The following PTPRD variants were observed in gnomAD, a reference collection of about 807,000 sequenced individuals.
PTPRD encodes the protein protein tyrosine phosphatase receptor type D.
PTPRD carries 34 observed loss-of-function variants against 214.5 expected under a neutral mutation model. The observed-to-expected ratio is 0.16, with a 90% CI of 0.12 to 0.21. The LOEUF (loss-of-function observed/expected upper bound fraction) is 0.21. Ranked by LOEUF, PTPRD falls within the 10% of genes least tolerant of loss-of-function variation. The probability of loss-of-function intolerance (pLI) is 1.00; values close to 1 mark genes in which losing one functional copy is unlikely to be tolerated. For missense variants in PTPRD, 2,545 were observed against 2,398.7 expected, an observed-to-expected ratio of 1.06 and a Z score of -1.27; for synonymous variants, 1,128 against 845.7, an observed-to-expected ratio of 1.33 and a Z score of -5.79.
chr9:10,267,596 A>T (rs2094153594), intron 3 of PTPRD, among the ~76,000 whole-genome samples: 1 of 152,164 alleles, frequency 6.6e-6, no homozygotes, highest in South Asian at 2.1e-4. Flanking sequence ...GAATAACTAG[A>T]GTTTATTTTT....
At chr9:8,830,660 A>C (rs2097269730) in intron 11 of PTPRD, among the ~76,000 whole-genome samples, 1 of 152,188 alleles carries the variant, frequency 6.6e-6, no homozygotes, top group African/African-American at 2.4e-5. Flanking sequence ...TGTTCCTCCC[A>C]GTCAATACCC....
At chr9:9,111,787 A>T (rs182284337) in intron 10 of PTPRD, among the ~76,000 whole-genome samples, 268 of 152,220 alleles carry the variant, frequency 1.8e-3, no homozygotes, top group African/African-American at 6.1e-3. Flanking sequence ...AACATTTTTT[A>T]AAAAAACTCA....
At chr9:8,944,342 G>A (rs529398967) in intron 11 of PTPRD, among the ~76,000 whole-genome samples, 1 of 152,184 alleles carries the variant, frequency 6.6e-6, no homozygotes, top group East Asian at 1.9e-4. Flanking sequence ...CAACAGTATG[G>A]AGATTCCTGA....
intron 3 of PTPRD, among the ~76,000 whole-genome samples, chr9:10,195,394 A>T (rs553617572): frequency 2.0e-4 from 30 of 152,242 alleles, no homozygotes; most frequent in African/African-American, 7.0e-4. Context: ...ATGGCCTTTC[A>T]TAATCAAGAT....
chr9:8,364,429 G>A (rs886784951), intron 39 of PTPRD, among the ~76,000 whole-genome samples: 1 of 152,188 alleles, frequency 6.6e-6, no homozygotes, highest in African/African-American at 2.4e-5. Flanking sequence ...AATAGAAGAG[G>A]TAACAATAGC....
At chr9:10,061,877 C>T (rs193076231) in intron 3 of PTPRD, among the ~76,000 whole-genome samples, 1 of 152,002 alleles carries the variant, frequency 6.6e-6, no homozygotes, top group Non-Finnish European at 1.5e-5. Flanking sequence ...GGACCTGCAG[C>T]TTTATTATCA....
intron 2 of PTPRD, among the ~76,000 whole-genome samples, chr9:10,546,878 C>G (rs1182565447): frequency 2.0e-5 from 3 of 152,058 alleles, no homozygotes; most frequent in Admixed American, 6.6e-5. Flanking sequence ...ACAACCCTAA[C>G]TAGTATATTA....
At chr9:9,865,142 C>T (rs2063661968) in intron 5 of PTPRD, among the ~76,000 whole-genome samples, 1 of 152,122 alleles carries the variant, frequency 6.6e-6, no homozygotes, top group Non-Finnish European at 1.5e-5. Context: ...TTTATGTATG[C>T]ATTGGGATGA....
chr9:9,499,493 A>G (rs2096326397), intron 8 of PTPRD, among the ~76,000 whole-genome samples: 1 of 152,116 alleles, frequency 6.6e-6, no homozygotes, highest in African/African-American at 2.4e-5. Context: ...CATATTTGTG[A>G]GTTATTTTGG....
intron 4 of PTPRD, among the ~76,000 whole-genome samples, chr9:9,992,416 G>C (rs1475619330): frequency 2.0e-5 from 3 of 152,180 alleles, no homozygotes; most frequent in Non-Finnish European, 4.4e-5. Flanking sequence ...TCTAGAACTA[G>C]AAATTCCATT....
intron 3 of PTPRD, among the ~76,000 whole-genome samples, chr9:10,288,314 A>T (rs1596237712): frequency 7.3e-6 from 1 of 136,744 alleles, no homozygotes; most frequent in Admixed American, 9.4e-5. Flanking sequence ...AGATTTTTTT[A>T]AAAATTCCAT....
At chr9:9,828,107 G>T (rs542903213) in intron 5 of PTPRD, among the ~76,000 whole-genome samples, 5 of 152,138 alleles carry the variant, frequency 3.3e-5, no homozygotes, top group Non-Finnish European at 7.4e-5. Flanking sequence ...GATTCCTCAG[G>T]GATCTAGAAC....
chr9:8,576,061 G>C (rs1025569279), intron 14 of PTPRD, among the ~76,000 whole-genome samples: 1 of 152,162 alleles, frequency 6.6e-6, no homozygotes, highest in Admixed American at 6.5e-5. Context: ...ATGCATGAAA[G>C]CTTGGGAGCA....
intron 2 of PTPRD, among the ~76,000 whole-genome samples, chr9:10,560,868 G>T (rs954333438): frequency 6.6e-6 from 1 of 152,130 alleles, no homozygotes; most frequent in African/African-American, 2.4e-5. Context: ...CATAAATATA[G>T]AGCCTGTCCA....
At chr9:9,578,174 T>C (rs2089617334) in intron 7 of PTPRD, among the ~76,000 whole-genome samples, 1 of 152,068 alleles carries the variant, frequency 6.6e-6, no homozygotes, top group African/African-American at 2.4e-5. Flanking sequence ...AAGAAATTAT[T>C]GATAATTTTA....
intron 6 of PTPRD, among the ~76,000 whole-genome samples, chr9:9,754,567 A>G (rs1168001339): frequency 6.6e-6 from 1 of 152,052 alleles, no homozygotes; most frequent in Non-Finnish European, 1.5e-5. Flanking sequence ...TTATTAACAA[A>G]CAAACTATAT....
intron 45 of PTPRD, among the ~76,000 whole-genome samples, chr9:8,319,540 A>C (rs900175885): frequency 1.8e-4 from 28 of 151,980 alleles, no homozygotes; most frequent in African/African-American, 6.8e-4. Context: ...AGGACTATGA[A>C]TATAACGAAT....
At chr9:10,095,456 T>C (rs2098473669) in intron 3 of PTPRD, among the ~76,000 whole-genome samples, 1 of 151,352 alleles carries the variant, frequency 6.6e-6, no homozygotes, top group African/African-American at 2.4e-5. Context: ...TTACAGAAAA[T>C]AGATCAGCCC....
intron 9 of PTPRD, among the ~76,000 whole-genome samples, chr9:9,230,329 T>A (rs1322353654): frequency 1.3e-5 from 2 of 152,076 alleles, no homozygotes; most frequent in African/African-American, 2.4e-5. Context: ...TCCAGGCTGG[T>A]GAACATATCA....
Sources: allele counts gnomAD v4.1 joint callset (sites outside exome capture counted in the v4.1 genomes callset), GRCh38; gene constraint gnomAD v4.1.1; transcripts MANE v1.5; gene names NCBI Gene and HGNC (gene_info 2026-07-23, HGNC 2026-07-21).